AHCYL2: variants seen among roughly 807,000 people sequenced by gnomAD.
AHCYL2 encodes the protein S-adenosylhomocysteine hydrolase-like protein 2.
AHCYL2 carries 28 observed loss-of-function variants against 81.4 expected under a neutral mutation model. That is an observed-to-expected ratio of 0.34 (90% confidence interval 0.25 to 0.47). The LOEUF (loss-of-function observed/expected upper bound fraction) is 0.47, where lower values mean the gene tolerates loss of function less well. AHCYL2 is among the 20% of genes least tolerant of loss of function. The pLI, the probability that AHCYL2 is intolerant of heterozygous loss-of-function variation, is 1.00. For synonymous variants in AHCYL2, 272 were observed against 290.2 expected (o/e 0.94, Z 0.64); for missense variants, 551 against 785.1 (o/e 0.70, Z 3.56).
rs1429295322 is a variant in AHCYL2 at position 129,312,831 on chromosome 7, C to T, written c.364-66807C>T. ...AAGCTCCCTGCCTCTCACCCCCACC[C>T]GTATGTAACCACTATTCAGACTTAC... On this transcript the variant is annotated intron_variant, in intron 1 of 16. Transcript: ENST00000325006. 5.3e-5 allele frequency among the ~76,000 whole-genome samples: 8 copies of T among 152,230 alleles called. No homozygotes were observed. In the East Asian group the frequency reaches 1.2e-3, roughly 22 times the overall value.
intron 1 of AHCYL2, chr7:129,376,012 C>A: frequency 6.8e-7 from 1 of 1,480,180 alleles, no homozygotes; most frequent in Non-Finnish European, 9.1e-7. Flanking sequence ...TTTTCCCCTC[C>A]TTTCCTGCTT....
intron 1 of AHCYL2, among the ~76,000 whole-genome samples, chr7:129,330,930 C>G (rs572182720): frequency 1.8e-4 from 28 of 152,232 alleles, no homozygotes; most frequent in Admixed American, 1.5e-3. Context: ...ACTTCTATAC[C>G]TTAGGCTTGC....
intron 1 of AHCYL2, among the ~76,000 whole-genome samples, chr7:129,318,678 A>G (rs1797909863): frequency 1.3e-5 from 2 of 152,346 alleles, no homozygotes; most frequent in Non-Finnish European, 2.9e-5. Context: ...AAGAAATGGA[A>G]CTGTGGTCCT....
intron 1 of AHCYL2, among the ~76,000 whole-genome samples, chr7:129,350,014 C>G (rs1309243073): frequency 6.6e-6 from 1 of 152,176 alleles, no homozygotes; most frequent in Non-Finnish European, 1.5e-5. Context: ...TATTATTGTA[C>G]AACTCAATTA....
chr7:129,238,767 A>G (rs1354281239), intron 1 of AHCYL2, among the ~76,000 whole-genome samples: 1 of 152,178 alleles, frequency 6.6e-6, no homozygotes, highest in Non-Finnish European at 1.5e-5. Flanking sequence ...CTTGACCAAC[A>G]CAGTGAAACC....
At chr7:129,269,302 T>C (rs1414990159) in intron 1 of AHCYL2, among the ~76,000 whole-genome samples, 1 of 151,934 alleles carries the variant, frequency 6.6e-6, no homozygotes, top group Non-Finnish European at 1.5e-5. Context: ...TTTTTTTTTT[T>C]TGAGACAGAG....
intron 6 of AHCYL2, 137 bp downstream of exon 6, chr7:129,400,521 G>T: frequency 1.4e-6 from 1 of 704,460 alleles, no homozygotes; most frequent in Non-Finnish European, 2.3e-6. Context: ...TGGGTTTCCA[G>T]CAGAACTAGA....
intron 13 of AHCYL2, among the ~76,000 whole-genome samples, chr7:129,423,625 A>G (rs1584915000): frequency 6.6e-6 from 1 of 152,348 alleles, no homozygotes; most frequent in East Asian, 1.9e-4. Flanking sequence ...TCAGAGAAAG[A>G]TACCAAAATA....
At chr7:129,290,118 G>A (rs144378506) in intron 1 of AHCYL2, among the ~76,000 whole-genome samples, 18 of 152,204 alleles carry the variant, frequency 1.2e-4, no homozygotes, top group African/African-American at 4.1e-4. Context: ...TGATGAGGAC[G>A]TGTCTTAGAC....
chr7:129,255,582 ATGTG>A (rs1795388853), intron 1 of AHCYL2, among the ~76,000 whole-genome samples: 1 of 152,174 alleles, frequency 6.6e-6, no homozygotes. Flanking sequence ...GTGTGTGTGT[ATGTG>A]CGTGTGTGCG....
At chr7:129,316,123 C>T (rs115600257) in intron 1 of AHCYL2, among the ~76,000 whole-genome samples, 21 of 152,188 alleles carry the variant, frequency 1.4e-4, no homozygotes, top group Non-Finnish European at 2.5e-4. Flanking sequence ...AATTGTGCCA[C>T]GGCATAGGGA....
Position 129,426,352 on chromosome 7 carries a change from T to C in AHCYL2, c.1709-91T>C. ...ATTCAGCTCCAGGAATTAGAAGGTG[T>C]CTTTGAACTTTTTAAGGCCTAGCTT... On this transcript the variant is annotated intron_variant, in intron 15 of 16. Coordinates refer to ENST00000325006, the MANE Select transcript of AHCYL2 (RefSeq NM_015328.4). This position sits in a 1 kb window ranked among gnomAD's most constrained non-coding sequence, Gnocchi z 4.3. 6.3e-7 allele frequency: 1 copy of C among 1,590,064 alleles called. No homozygotes were observed. Among genetic ancestry groups the C allele is most frequent in the Non-Finnish European group, 8.6e-7 (1 of 1,159,268 alleles).
chr7:129,320,049 C>T (rs1446643761), intron 1 of AHCYL2, among the ~76,000 whole-genome samples: 1 of 151,982 alleles, frequency 6.6e-6, no homozygotes, highest in Non-Finnish European at 1.5e-5. Flanking sequence ...TGAGAATTCC[C>T]ATTTCTCCAC....
At chr7:129,400,206 GA>G in intron 5 of AHCYL2, 83 bp from the exon 6 acceptor site, 1 of 1,254,140 alleles carries the variant, frequency 8.0e-7, no homozygotes, top group Non-Finnish European at 1.1e-6. Context: ...TGGAAATTAG[GA>G]AAAACCAGAA....
intron 1 of AHCYL2, among the ~76,000 whole-genome samples, chr7:129,320,664 C>T (rs1014077168): frequency 1.3e-5 from 2 of 152,106 alleles, no homozygotes; most frequent in Non-Finnish European, 2.9e-5. Context: ...ATAAAATCTT[C>T]CTTTTTGAAG....
At chr7:129,358,006 A>G (rs1229852885) in intron 1 of AHCYL2, among the ~76,000 whole-genome samples, 1 of 152,088 alleles carries the variant, frequency 6.6e-6, no homozygotes, top group Non-Finnish European at 1.5e-5. Context: ...CACTGTTCAC[A>G]GTAGCCAAAA....
chr7:129,362,830 G>GTATT, intron 1 of AHCYL2, among the ~76,000 whole-genome samples: 1 of 152,042 alleles, frequency 6.6e-6, no homozygotes, highest in Non-Finnish European at 1.5e-5. Flanking sequence ...CTTGCCCTGT[G>GTATT]CCTTATCTCT....
chr7:129,245,047 CAG>C (rs1794999260), intron 1 of AHCYL2, among the ~76,000 whole-genome samples: 1 of 121,164 alleles, frequency 8.3e-6, no homozygotes, highest in Non-Finnish European at 1.7e-5. Context: ...TTTTTTTTGA[CAG>C]AGTCTCACTC....
chr7:129,239,236 T>C (rs1794753528), intron 1 of AHCYL2, among the ~76,000 whole-genome samples: 1 of 152,206 alleles, frequency 6.6e-6, no homozygotes, highest in African/African-American at 2.4e-5. Flanking sequence ...ATTTAGATCC[T>C]TGCTATTCAA....
Sources: allele counts gnomAD v4.1 joint callset (sites outside exome capture counted in the v4.1 genomes callset), GRCh38; gene constraint gnomAD v4.1.1; non-coding constraint Gnocchi (gnomAD v3.1); transcripts MANE v1.5; gene names NCBI Gene and HGNC (gene_info 2026-07-23, HGNC 2026-07-21).